Variants in FAM111B observed in about 807,000 individuals in gnomAD.
FAM111B encodes serine protease FAM111B.
FAM111B carries 1 observed loss-of-function variant against 2.8 expected under a neutral mutation model. The observed-to-expected ratio is 0.36, with a 90% confidence interval of 0.13 to 1.70. The LOEUF (loss-of-function observed/expected upper bound fraction) is 1.70. Ranked by LOEUF, FAM111B falls within the 40% of genes most tolerant of loss-of-function variation. The probability of loss-of-function intolerance (pLI) is 0.35; values close to 1 mark genes in which losing one functional copy is unlikely to be tolerated. For missense variants in FAM111B, 882 were observed against 878.9 expected, an observed-to-expected ratio of 1.00 and a Z score of -0.04; for synonymous variants, 297 against 295.6, an observed-to-expected ratio of 1.00 and a Z score of -0.05.
chr11:59,113,895 C>A (rs896208891), intron 3 of FAM111B, among the ~76,000 whole-genome samples: 6 of 152,218 alleles, frequency 3.9e-5, no homozygotes, highest in African/African-American at 1.4e-4. Flanking sequence ...TGAAACCTGG[C>A]CCCTCGGCAA....
At chr11:59,124,068 C>T (rs1415242669) in intron 3 of FAM111B, 111 bp from the exon 4 acceptor site, 2 of 635,658 alleles carry the variant, frequency 3.1e-6, no homozygotes, top group South Asian at 3.5e-5. Context: ...ATTCGTTAAC[C>T]ATTATATTAT....
At chr11:59,112,167 T>C (rs1439551533) in intron 3 of FAM111B, among the ~76,000 whole-genome samples, 1 of 152,226 alleles carries the variant, frequency 6.6e-6, no homozygotes, top group African/African-American at 2.4e-5. Flanking sequence ...TCCCCACTTG[T>C]GCCCTATTCA....
At chr11:59,124,123 T>G in intron 3 of FAM111B, 56 bp from the exon 4 acceptor site, 1 of 1,241,218 alleles carries the variant, frequency 8.1e-7, no homozygotes, top group Non-Finnish European at 1.1e-6. Context: ...ATTAGAAAAA[T>G]ATAAAACATT....
intron 3 of FAM111B, among the ~76,000 whole-genome samples, chr11:59,122,620 GA>G (rs1214368021): frequency 1.2e-4 from 19 of 152,292 alleles, no homozygotes; most frequent in African/African-American, 3.4e-4. Flanking sequence ...AACACAGGAA[GA>G]GGGGCACAAT....
Position 59,125,717 on chromosome 11 carries a change from T to C in FAM111B, c.1620T>C (p.Asn540=). 6.2e-7 allele frequency: 1 copy of C among 1,613,814 alleles called. No individual in the cohort carries two copies. ...FSIEPWLKVS[N]ENLDYAILKL... Reference sequence around the variant, plus strand: ...TTGAGCCATGGCTTAAAGTGTCCAATGAAAATCTAGATTATGCCATTTTAA... The same window carrying C: ...TTGAGCCATGGCTTAAAGTGTCCAACGAAAATCTAGATTATGCCATTTTAA... The change falls in exon 4 of 4, where the codon AAT becomes AAC. Residue 540 remains asparagine (N), a synonymous_variant. Transcript: ENST00000343597.
At position 59,114,699 on chromosome 11, in the gene FAM111B, G is replaced by A. The variant is rs377335242; in HGVS notation, c.81+4993G>A. Among the ~76,000 whole-genome samples the A allele has an allele frequency of 1.6e-3, 248 of 152,194 alleles. 4 individuals are homozygous for A. In the South Asian group the frequency reaches 0.046, roughly 28 times the overall value. ...CAATGAACATTTCTTGCAAACCTAC[G>A]TGCCTGGTACGTCACAGGTACCAAG... is the stretch of plus-strand genomic sequence containing the variant. On this transcript the variant is annotated intron_variant, in intron 3 of 3. Transcript: ENST00000343597.
intron 3 of FAM111B, among the ~76,000 whole-genome samples, chr11:59,111,330 G>C (rs1859755197): frequency 1.3e-5 from 2 of 152,138 alleles, no homozygotes; most frequent in South Asian, 4.1e-4. Flanking sequence ...TAAAAAGTGG[G>C]AGAGAGGTAG....
At position 59,125,812 on chromosome 11, in the gene FAM111B, G is replaced by C. The variant is rs1318654456; in HGVS notation, c.1715G>C (p.Gly572Ala). Residue 572 changes from glycine to alanine, a missense_variant, in exon 4 of 4, where the codon GGT becomes GCT. By Grantham distance (60) the Gly-to-Ala change is moderately conservative. Coordinates refer to ENST00000343597, the MANE Select transcript of FAM111B (RefSeq NM_198947.4). ...WRQISPQPSTGLIYLIGHPEG... is the reference protein window; with the variant it reads ...WRQISPQPSTALIYLIGHPEG... ...CAGATTTCTCCTCAACCATCTACTG[G>C]TTTGATTTATTTAATTGGTCATCCT... The C allele has an allele frequency of 1.2e-6, 2 of 1,613,748 alleles. No homozygotes were observed. The highest frequency in any genetic ancestry group is 1.3e-5 in the African/African-American group (1 of 74,896).
chr11:59,115,529 G>T (rs1184871604), intron 3 of FAM111B, among the ~76,000 whole-genome samples: 4 of 152,210 alleles, frequency 2.6e-5, no homozygotes, highest in Non-Finnish European at 5.9e-5. Context: ...TTTATTAGGG[G>T]CTTATTCTTG....
intron 3 of FAM111B, among the ~76,000 whole-genome samples, chr11:59,119,551 T>A (rs1329843885): frequency 4.6e-5 from 7 of 152,196 alleles, no homozygotes; most frequent in Non-Finnish European, 1.5e-5. Context: ...TGCTTTTTTT[T>A]ATTTTTCCAA....
In FAM111B at chr11:59,126,368, C is replaced by T. The variant is rs765869089; in HGVS notation, c.*66C>T. On this transcript the variant is annotated 3_prime_UTR_variant, in exon 4 of 4. Coordinates refer to ENST00000343597, the MANE Select transcript of FAM111B (RefSeq NM_198947.4). Reference sequence around the variant, plus strand: ...TGGCAAAGATTTCATGACAAAGACACTTAAAGCAATTGCAACAAAAGTGAA... The same window carrying T: ...TGGCAAAGATTTCATGACAAAGACATTTAAAGCAATTGCAACAAAAGTGAA... 5.9e-6 allele frequency: 8 copies of T among 1,345,708 alleles called. No individual in the cohort carries two copies. Among genetic ancestry groups the T allele is most frequent in the Non-Finnish European group, 8.0e-6 (8 of 1,001,862 alleles). 83.4% of individuals were successfully genotyped at this position (1,345,708 alleles called of 1,614,324 possible). A position where few individuals can be genotyped will look rare whatever the true frequency, so the allele number is the denominator to read the frequency against.
intron 3 of FAM111B, among the ~76,000 whole-genome samples, chr11:59,118,624 T>C (rs1321227982): frequency 6.6e-6 from 1 of 152,200 alleles, no homozygotes; most frequent in Non-Finnish European, 1.5e-5. Flanking sequence ...GCAAACATTC[T>C]TGTGTTTTTT....
intron 3 of FAM111B, among the ~76,000 whole-genome samples, chr11:59,123,951 A>T (rs140302898): frequency 5.7e-4 from 87 of 152,276 alleles, no homozygotes; most frequent in African/African-American, 2.0e-3. Flanking sequence ...TACTTTTAAG[A>T]ATCAGAAAAC....
At chr11:59,109,412 G>C (rs1363900603) in intron 2 of FAM111B, 128 bp from the exon 3 acceptor site, 6 of 385,128 alleles carry the variant, frequency 1.6e-5, no homozygotes, top group Non-Finnish European at 2.8e-5. Context: ...CATACAGTAA[G>C]CTAAATAGCC....
At position 59,125,176 on chromosome 11, in the gene FAM111B, T is replaced by C. The variant is rs1860000088; in HGVS notation, c.1079T>C (p.Ile360Thr). The C allele has an allele frequency of 1.9e-6, 3 of 1,613,954 alleles. No individual in the cohort carries two copies. The highest frequency in any genetic ancestry group is 2.5e-6 in the Non-Finnish European group (3 of 1,179,860). The change falls in exon 4 of 4, where the codon ATA (isoleucine) becomes ACA (threonine). Residue 360 changes from isoleucine to threonine, a missense_variant. Physicochemically the swap from Ile to Thr is moderately conservative, Grantham distance 89 (BLOSUM62 -1). Coordinates refer to ENST00000343597, the MANE Select transcript of FAM111B (RefSeq NM_198947.4). ...AGTTTGCCCCGAAAATATAGGCAAATAAACTCACAAGTTAGACGGAGGCCG... is the reference window on the plus strand; with the variant it reads ...AGTTTGCCCCGAAAATATAGGCAAACAAACTCACAAGTTAGACGGAGGCCG... ...FCSLPRKYRQINSQVRRRPHL... is the reference protein window; with the variant it reads ...FCSLPRKYRQTNSQVRRRPHL...
chr11:59,126,427 A>T lies in FAM111B; in HGVS notation c.*125A>T. On this transcript the variant is annotated 3_prime_UTR_variant, in exon 4 of 4. Transcript: ENST00000343597. ...AATGAGACCTAATTAAATCTTCTGC[A>T]CAGCAAAAGAAACTATCAACAGGGT... 2 of 710,424 alleles carry T rather than the reference A, an allele frequency of 2.8e-6. No homozygotes were observed. The highest frequency in any genetic ancestry group is 4.4e-6 in the Non-Finnish European group (2 of 458,252). 44.0% of individuals were successfully genotyped at this position (710,424 alleles called of 1,614,324 possible). A position where few individuals can be genotyped will look rare whatever the true frequency, so the allele number is the denominator to read the frequency against.
At chr11:59,113,714 T>G (rs2135397444) in intron 3 of FAM111B, among the ~76,000 whole-genome samples, 1 of 152,040 alleles carries the variant, frequency 6.6e-6, no homozygotes, top group South Asian at 2.1e-4. Context: ...AGACTTAGAG[T>G]CCCCTGGAAA....
chr11:59,125,888 A>G lies in FAM111B; in HGVS notation c.1791A>G (p.Glu597=). The G allele has an allele frequency of 6.2e-7, 1 of 1,613,882 alleles. No individual in the cohort carries two copies. The highest frequency in any genetic ancestry group is 8.5e-7 in the Non-Finnish European group (1 of 1,179,848). Residue 597 remains glutamate, a synonymous_variant, in exon 4 of 4, where the codon GAA becomes GAG. Coordinates refer to ENST00000343597, the MANE Select transcript of FAM111B (RefSeq NM_198947.4). ...GTTGTACTGTGATTCCTCTAAACGAACGATTGAAAAAATATCCAAACGATT... is the reference window on the plus strand; with the variant it reads ...GTTGTACTGTGATTCCTCTAAACGAGCGATTGAAAAAATATCCAAACGATT... The part of the protein sequence containing the change: ...IDGCTVIPLN[E]RLKKYPNDCQ...
At chr11:59,109,437 A>G (rs951380627) in intron 2 of FAM111B, 103 bp from the exon 3 acceptor site, 148 of 476,252 alleles carry the variant, frequency 3.1e-4, no homozygotes, top group Admixed American at 5.7e-4. Flanking sequence ...GGCTTACCTC[A>G]TATGATTTTC....
Sources: allele counts gnomAD v4.1 joint callset (sites outside exome capture counted in the v4.1 genomes callset), GRCh38; gene constraint gnomAD v4.1.1; transcripts MANE v1.5; gene names NCBI Gene and HGNC (gene_info 2026-07-23, HGNC 2026-07-21).